CALN1: variants seen among roughly 807,000 people sequenced by gnomAD.
CALN1 encodes calcium-binding protein 8.
CALN1 carries 17 observed loss-of-function variants against 30.6 expected under a neutral mutation model. The observed-to-expected ratio is 0.56, with a 90% confidence interval of 0.38 to 0.83. The LOEUF (loss-of-function observed/expected upper bound fraction) is 0.83, where lower values mean the gene tolerates loss of function less well. CALN1 is among the 40% of genes least tolerant of loss of function. The pLI, the probability that CALN1 is intolerant of heterozygous loss-of-function variation, is 0.00. For synonymous variants in CALN1, 156 were observed against 131.4 expected, an observed-to-expected ratio of 1.19 and a Z score of -1.28; for missense variants, 291 against 354.9, an observed-to-expected ratio of 0.82 and a Z score of 1.45.
intron 2 of CALN1, among the ~76,000 whole-genome samples, chr7:72,363,431 G>T (rs534330589): frequency 6.6e-6 from 1 of 151,848 alleles, no homozygotes; most frequent in African/African-American, 2.4e-5. Flanking sequence ...TAGAGAAGGG[G>T]TTTCGCCATG....
intron 3 of CALN1, among the ~76,000 whole-genome samples, chr7:72,245,344 C>T (rs1795088742): frequency 6.6e-6 from 1 of 152,316 alleles, no homozygotes; most frequent in Non-Finnish European, 1.5e-5. Flanking sequence ...TGGGCCTGGG[C>T]ACAGTGGCTC....
At chr7:71,932,540 A>G (rs1795607038) in intron 5 of CALN1, among the ~76,000 whole-genome samples, 2 of 151,958 alleles carry the variant, frequency 1.3e-5, no homozygotes, top group African/African-American at 4.8e-5. Context: ...TGTGCCGGGC[A>G]GGGTGGCTCA....
chr7:72,406,581 C>CTAAT (rs2129562532), intron 1 of CALN1, among the ~76,000 whole-genome samples: 1 of 151,758 alleles, frequency 6.6e-6, no homozygotes, highest in African/African-American at 2.4e-5. Flanking sequence ...GATCTCTGGG[C>CTAAT]TAATTCCTAG....
At chr7:71,872,969 C>T (rs1204462034) in intron 5 of CALN1, among the ~76,000 whole-genome samples, 2 of 150,512 alleles carry the variant, frequency 1.3e-5, no homozygotes, top group African/African-American at 4.9e-5. Flanking sequence ...CTTCCATTCT[C>T]CCACATAGTT....
At chr7:72,261,729 A>G (rs1032006210) in intron 3 of CALN1, among the ~76,000 whole-genome samples, 5 of 152,136 alleles carry the variant, frequency 3.3e-5, no homozygotes, top group African/African-American at 7.2e-5. Context: ...CACCCAGCTT[A>G]TTTTAGCAGC....
At chr7:72,177,736 GC>G in intron 3 of CALN1, among the ~76,000 whole-genome samples, 1 of 138,038 alleles carries the variant, frequency 7.2e-6, no homozygotes, top group African/African-American at 2.7e-5. Context: ...CTTCACTCCA[GC>G]CTGGGCGACA....
chr7:71,901,252 A>G (rs61692774), intron 5 of CALN1, among the ~76,000 whole-genome samples: 12,974 of 152,250 alleles, frequency 0.085, 947 homozygotes, highest in East Asian at 0.42. Flanking sequence ...CTAATAAAAG[A>G]AATTTTAGAT....
intron 5 of CALN1, among the ~76,000 whole-genome samples, chr7:71,934,285 AC>A (rs1795714275): frequency 6.6e-6 from 1 of 152,204 alleles, no homozygotes; most frequent in Non-Finnish European, 1.5e-5. Flanking sequence ...AATAGAGAAA[AC>A]TGTGGAAGAT....
intron 4 of CALN1, among the ~76,000 whole-genome samples, chr7:72,097,057 C>T (rs554825392): frequency 6.6e-5 from 10 of 151,912 alleles, no homozygotes; most frequent in South Asian, 4.2e-4. Flanking sequence ...ACTATCACAA[C>T]GACAGAAAAT....
At chr7:72,106,107 AC>A (rs765431117) in intron 4 of CALN1, 43 bp downstream of exon 4, 1 of 1,602,190 alleles carries the variant, frequency 6.2e-7, no homozygotes, top group Admixed American at 1.7e-5. Context: ...CACTGATGAG[AC>A]CGGGGCATGT....
chr7:72,197,919 C>T (rs2129547251), intron 3 of CALN1, among the ~76,000 whole-genome samples: 1 of 152,012 alleles, frequency 6.6e-6, no homozygotes, highest in South Asian at 2.1e-4. Context: ...ACGTGGCCTG[C>T]AGAGTTTCTG....
At chr7:72,100,227 T>C (rs1289223456) in intron 4 of CALN1, among the ~76,000 whole-genome samples, 1 of 151,934 alleles carries the variant, frequency 6.6e-6, no homozygotes, top group South Asian at 2.1e-4. Flanking sequence ...GGTACAATCA[T>C]AGCTTACTGC....
chr7:72,356,783 A>G (rs1464089407), intron 2 of CALN1, among the ~76,000 whole-genome samples: 2 of 152,036 alleles, frequency 1.3e-5, no homozygotes, highest in Admixed American at 6.5e-5. Context: ...ATCAAAATAT[A>G]TTAGCTAAAA....
At chr7:72,259,103 T>C (rs1796112528) in intron 3 of CALN1, among the ~76,000 whole-genome samples, 1 of 150,608 alleles carries the variant, frequency 6.6e-6, no homozygotes, top group South Asian at 2.1e-4. Flanking sequence ...ATTATTTATA[T>C]ATATATATAT....
intron 2 of CALN1, among the ~76,000 whole-genome samples, chr7:72,378,307 G>A (rs1436799252): frequency 1.3e-5 from 2 of 152,122 alleles, no homozygotes; most frequent in South Asian, 2.1e-4. Context: ...CTTATCTGGG[G>A]AGCAGAGAAT....
intron 3 of CALN1, among the ~76,000 whole-genome samples, chr7:72,239,911 C>T (rs1404468309): frequency 2.6e-5 from 4 of 152,154 alleles, no homozygotes; most frequent in African/African-American, 9.7e-5. Context: ...ACATTGCATG[C>T]CAGCAGAGAC....
intron 2 of CALN1, among the ~76,000 whole-genome samples, chr7:72,393,631 C>T (rs558660705): frequency 9.2e-5 from 14 of 152,008 alleles, no homozygotes; most frequent in South Asian, 6.2e-4. Flanking sequence ...ACAGCTGGGC[C>T]CCCCCCAGGC....
At chr7:72,126,612 C>T (rs559759788) in intron 3 of CALN1, among the ~76,000 whole-genome samples, 2 of 152,086 alleles carry the variant, frequency 1.3e-5, no homozygotes, top group Non-Finnish European at 2.9e-5. Context: ...ACCCCTTTCC[C>T]CTACCTTTCT....
intron 3 of CALN1, among the ~76,000 whole-genome samples, chr7:72,200,693 A>C (rs1791359167): frequency 6.6e-6 from 1 of 152,184 alleles, no homozygotes; most frequent in African/African-American, 2.4e-5. Flanking sequence ...ATGGAGACAA[A>C]GAAAACACCA....
Sources: gnomAD v4.1 joint callset for allele counts (sites outside exome capture counted in the v4.1 genomes callset) on GRCh38, gnomAD v4.1.1 for gene constraint, MANE v1.5 for transcripts, NCBI Gene and HGNC (gene_info 2026-07-23, HGNC 2026-07-21) for gene names.